TEX9: variants seen among roughly 807,000 people sequenced by gnomAD.
TEX9 encodes the protein testis-expressed protein 9.
Under a neutral mutation model 59.6 loss-of-function variants are expected in TEX9, and 74 were observed. That is an observed-to-expected ratio of 1.24 (90% CI 1.03 to 1.51). The LOEUF is 1.51. TEX9 is among the 40% of genes most tolerant of loss of function. TEX9 has a pLI of 0.00. For missense variants in TEX9, 522 were observed against 447.8 expected (o/e 1.17, Z -1.49); for synonymous variants, 186 against 152.2 (o/e 1.22, Z -1.64).
At chr15:56,365,364 G>A (rs2046885399), upstream of TEX9, 1 of 1,520,590 alleles carries the variant, frequency 6.6e-7, no homozygotes, top group African/African-American at 1.4e-5. Flanking sequence ...GGAAGGCGTA[G>A]GCGCCCGGGC....
chr15:56,447,090 A>T (rs2050911222), downstream of TEX9: 1 of 597,208 alleles, frequency 1.7e-6, no homozygotes, highest in African/African-American at 1.9e-5. Flanking sequence ...ATAATTCATT[A>T]TATTTAATGG....
Position 56,335,471 on chromosome 15 carries a change from T to C in TEX9, c.-106-37970T>C, listed in dbSNP as rs1412539368. Reference sequence around the variant, plus strand: ...ATTAAAACAATTGAACTCATGGAGATAGAGAATAGAAGGGTGGTTACCAGG... The same window carrying C: ...ATTAAAACAATTGAACTCATGGAGACAGAGAATAGAAGGGTGGTTACCAGG... On this transcript the variant is annotated intron_variant, in intron 1 of 5. Transcript: ENST00000560827. Among the ~76,000 whole-genome samples the C allele has an allele frequency of 5.9e-5, 9 of 151,992 alleles. No homozygotes were observed. The East Asian group carries it at 9.7e-4, about 16-fold the overall frequency.
chr15:56,335,844 C>G (rs1008126899), intron 1 of TEX9, among the ~76,000 whole-genome samples: 1 of 151,928 alleles, frequency 6.6e-6, no homozygotes, highest in South Asian at 2.1e-4. Flanking sequence ...TAAACACAAA[C>G]GATTCATATT....
rs138674300 is a variant in TEX9, at chr15:56,439,097, G to A, written c.*30-6574G>A. On this transcript the variant is annotated intron_variant, in intron 12 of 12. Coordinates refer to ENST00000352903, the Ensembl canonical transcript of TEX9. ...TAACAAGTGAATTCAGCAAGGTTGT[G>A]AGATACAAGATAAACACAAAAATAT... Among the ~76,000 whole-genome samples, 18 of 152,256 alleles carry A rather than the reference G, an allele frequency of 1.2e-4. No individual in the cohort carries two copies. In the East Asian group the frequency reaches 1.9e-3, roughly 16 times the overall value.
chr15:56,305,820 C>A (rs771433853), intron 1 of TEX9, among the ~76,000 whole-genome samples: 19 of 152,010 alleles, frequency 1.2e-4, no homozygotes, highest in Non-Finnish European at 2.1e-4. Flanking sequence ...AAGGAATCAA[C>A]AAAGTGAAAA....
chr15:56,349,319 A>G (rs531023648), intron 1 of TEX9, among the ~76,000 whole-genome samples: 1 of 152,318 alleles, frequency 6.6e-6, no homozygotes, highest in Non-Finnish European at 1.5e-5. Context: ...TCTCTTGGGA[A>G]ACAGCTCAAA....
At chr15:56,375,889 C>A (rs2047423273) in intron 3 of TEX9, among the ~76,000 whole-genome samples, 1 of 150,902 alleles carries the variant, frequency 6.6e-6, no homozygotes, top group South Asian at 2.1e-4. Context: ...TACTATGCAG[C>A]CATAAAAAAT....
At chr15:56,331,849 G>A (rs1197399355) in intron 1 of TEX9, among the ~76,000 whole-genome samples, 3 of 149,334 alleles carry the variant, frequency 2.0e-5, no homozygotes, top group Non-Finnish European at 4.5e-5. Flanking sequence ...CATTTATGCA[G>A]CCAAAAAACA....
chr15:56,343,154 G>T lies in TEX9; in HGVS notation c.-106-30287G>T, dbSNP rs144362332. Among the ~76,000 whole-genome samples, 46 of 152,190 alleles carry T rather than the reference G, an allele frequency of 3.0e-4. 2 individuals carry two copies. Among genetic ancestry groups the T allele is most frequent in the African/African-American group, 1.1e-3 (44 of 41,554 alleles). On this transcript the variant is annotated intron_variant, in intron 1 of 5. Transcript: ENST00000560827. The stretch of plus-strand genomic sequence containing the variant: ...TAAAAATAATTTAAAACAGTTCATA[G>T]ATCAAAGAAGAAGTTACTATAGAAA...
intron 10 of TEX9, among the ~76,000 whole-genome samples, chr15:56,413,260 T>C (rs1046593836): frequency 2.5e-4 from 29 of 116,114 alleles, no homozygotes; most frequent in Middle Eastern, 4.2e-3. Context: ...ATTTATTTAA[T>C]TAAATAATTT....
intron 3 of TEX9, among the ~76,000 whole-genome samples, chr15:56,377,196 CAA>C: frequency 6.6e-6 from 1 of 152,152 alleles, no homozygotes; most frequent in East Asian, 1.9e-4. Context: ...TGTGATTTCT[CAA>C]GTTTTGTTCT....
chr15:56,431,434 T>C, intron 12 of TEX9: 1 of 1,613,736 alleles, frequency 6.2e-7, no homozygotes, highest in East Asian at 2.2e-5. Context: ...CCTTTCTTCT[T>C]CAATAATTGC....
At position 56,417,331 on chromosome 15, in the gene TEX9, G is replaced by A. The variant is rs1014239363; in HGVS notation, c.963+4895G>A. ...ATCTTTATAACTTTTTGATGTGGGC[G>A]TTTAGTGCTATGAATTTCCCTCTTA... On this transcript the variant is annotated intron_variant, in intron 10 of 12. Coordinates refer to ENST00000352903, the Ensembl canonical transcript of TEX9. Among the ~76,000 whole-genome samples the A allele has an allele frequency of 7.9e-5, 12 of 151,614 alleles. 1 individual carries two copies. The highest frequency in any genetic ancestry group is 3.4e-3 in the Middle Eastern group (1 of 294).
In TEX9 at chr15:56,339,383, C is replaced by CA. The variant is rs71456382; in HGVS notation, c.-106-34027dup. On this transcript the variant is annotated intron_variant, in intron 1 of 5. Coordinates refer to the TEX9 transcript ENST00000560827. ...GGGTGTCAGAGCAAGACTCCTTCTCCAAAAAAAAAAAAAAAAAAAAAAAAA... is the reference window on the plus strand; with the variant it reads ...GGGTGTCAGAGCAAGACTCCTTCTCCAAAAAAAAAAAAAAAAAAAAAAAAAA... Among the ~76,000 whole-genome samples, 102 of 30,760 alleles carry CA rather than the reference C, an allele frequency of 3.3e-3. 14 individuals are homozygous for CA. Among genetic ancestry groups the CA allele is most frequent in the African/African-American group, 0.011 (95 of 8,318 alleles). 20.2% of individuals were successfully genotyped at this position (30,760 alleles called of 152,430 possible).
chr15:56,360,289 A>T (rs1401040913), intron 1 of TEX9, among the ~76,000 whole-genome samples: 1 of 152,188 alleles, frequency 6.6e-6, no homozygotes, highest in Non-Finnish European at 1.5e-5. Context: ...CCCAAAAAAG[A>T]TTATGTAGAA....
At chr15:56,443,524 A>C (rs754003986) in intron 12 of TEX9, 40 of 1,594,562 alleles carry the variant, frequency 2.5e-5, no homozygotes, top group Non-Finnish European at 3.2e-5. Context: ...CATTTCTTCT[A>C]ATTTCTGTGT....
chr15:56,438,905 C>G (rs1482223273), intron 12 of TEX9, among the ~76,000 whole-genome samples: 1 of 152,082 alleles, frequency 6.6e-6, no homozygotes, highest in African/African-American at 2.4e-5. Flanking sequence ...GATGTCTACT[C>G]TCATCACTCT....
chr15:56,309,693 G>GTTTTTTTTTTTTTTTTTT lies in TEX9; in HGVS notation c.-106-63734_-106-63717dup, dbSNP rs60648387. Among the ~76,000 whole-genome samples, 8 of 60,786 alleles carry GTTTTTTTTTTTTTTTTTT rather than the reference G, an allele frequency of 1.3e-4. 1 individual carries two copies. Among genetic ancestry groups the GTTTTTTTTTTTTTTTTTT allele is most frequent in the Admixed American group, 4.5e-4 (2 of 4,468 alleles). 39.9% of individuals were successfully genotyped at this position (60,786 alleles called of 152,430 possible). A position where few individuals can be genotyped will look rare whatever the true frequency, so the allele number is the denominator to read the frequency against. ...TCTGGGCCTGGGATTTTTATGGGAAGTTTTTTTTTTTTTTTTTTTTTTTTT... is the reference window on the plus strand; with the variant it reads ...TCTGGGCCTGGGATTTTTATGGGAAGTTTTTTTTTTTTTTTTTTTTTTTTTTTTTTTTTTTTTTTTTTT... On this transcript the variant is annotated intron_variant, in intron 1 of 5. Coordinates refer to the TEX9 transcript ENST00000560827.
chr15:56,359,387 C>G (rs1210913449), intron 1 of TEX9, among the ~76,000 whole-genome samples: 1 of 152,126 alleles, frequency 6.6e-6, no homozygotes, highest in Non-Finnish European at 1.5e-5. Context: ...TCCCTAGTCC[C>G]TGGTAAACTC....
Sources: gnomAD v4.1 joint callset for allele counts (sites outside exome capture counted in the v4.1 genomes callset) on GRCh38, gnomAD v4.1.1 for gene constraint, MANE v1.5 for transcripts, NCBI Gene and HGNC (gene_info 2026-07-23, HGNC 2026-07-21) for gene names.